Variants in NUDT9 observed in about 807,000 individuals in gnomAD.
NUDT9 encodes the protein nudix hydrolase 9, also known as ADP-ribose pyrophosphatase.
Under a neutral mutation model 41.0 loss-of-function variants are expected in NUDT9, and 31 were observed. The ratio of observed to expected loss-of-function variants is 0.76; its 90% CI spans 0.57 to 1.02. The LOEUF (loss-of-function observed/expected upper bound fraction) is 1.02, where lower values mean the gene tolerates loss of function less well. Ranked by LOEUF, NUDT9 falls within the 50% of genes least tolerant of loss-of-function variation. The pLI is 0.00. For missense variants in NUDT9, 380 were observed against 431.4 expected (o/e 0.88, Z 1.06); for synonymous variants, 146 against 147.6 (o/e 0.99, Z 0.08).
chr4:87,424,291 G>T lies in NUDT9; in HGVS notation c.107+1279G>T, dbSNP rs369270052. Reference sequence around the variant, plus strand: ...TTTTTTTTTTTTGAGAAGGAGTTTCGCTCTGTCGCCCAGGCTGGAGCGCAG... The same window carrying T: ...TTTTTTTTTTTTGAGAAGGAGTTTCTCTCTGTCGCCCAGGCTGGAGCGCAG... On this transcript the variant is annotated intron_variant, in intron 1 of 7. Transcript: ENST00000302174. Among the ~76,000 whole-genome samples the T allele has an allele frequency of 1.5e-3, 179 of 121,668 alleles. 1 individual carries two copies. The highest frequency in any genetic ancestry group is 5.3e-3 in the African/African-American group (166 of 31,140). 79.8% of individuals were successfully genotyped at this position (121,668 alleles called of 152,430 possible). A position where few individuals can be genotyped will look rare whatever the true frequency, so the allele number is the denominator to read the frequency against.
intron 2 of NUDT9, among the ~76,000 whole-genome samples, chr4:87,436,252 A>C (rs982298771): frequency 2.6e-5 from 4 of 152,198 alleles, no homozygotes; most frequent in African/African-American, 9.7e-5. Flanking sequence ...CACACTGTGC[A>C]TTAGATCTCT....
In NUDT9 at chr4:87,459,372, C is replaced by G. The variant is rs546600302; in HGVS notation, c.*1351C>G. The stretch of plus-strand genomic sequence containing the variant: ...GATGAAATTATCTGTACAACAAACC[C>G]TCATGACACAAGTTTACCTATGTAA... On this transcript the variant is annotated 3_prime_UTR_variant, in exon 8 of 8. Transcript: ENST00000302174. The G allele has an allele frequency of 2.0e-5, 3 of 152,152 alleles. No individual in the cohort carries two copies. The highest frequency in any genetic ancestry group is 4.4e-5 in the Non-Finnish European group (3 of 68,026). The allele number at this position is 152,152 out of a possible 1,614,324, so 9.4% of individuals were successfully genotyped here.
At chr4:87,446,512 C>T (rs572478164) in intron 4 of NUDT9, among the ~76,000 whole-genome samples, 5 of 152,224 alleles carry the variant, frequency 3.3e-5, no homozygotes, top group South Asian at 2.1e-4. Context: ...GGATTACAGG[C>T]GTGGGCCACT....
At chr4:87,445,080 C>T (rs1722386145) in intron 4 of NUDT9, among the ~76,000 whole-genome samples, 1 of 152,080 alleles carries the variant, frequency 6.6e-6, no homozygotes, top group South Asian at 2.1e-4. Flanking sequence ...CTAGTCTATT[C>T]CAGGCATCCT....
chr4:87,427,757 C>T (rs1266943866), intron 1 of NUDT9, among the ~76,000 whole-genome samples: 4 of 152,030 alleles, frequency 2.6e-5, no homozygotes, highest in Non-Finnish European at 5.9e-5. Flanking sequence ...TAATTAATGG[C>T]CTTAACTTTT....
intron 5 of NUDT9, among the ~76,000 whole-genome samples, chr4:87,450,624 AC>A (rs1171238111): frequency 6.6e-6 from 1 of 151,320 alleles, no homozygotes; most frequent in African/African-American, 2.4e-5. Context: ...TGATCCACCC[AC>A]CCTGACCTCC....
intron 6 of NUDT9, among the ~76,000 whole-genome samples, chr4:87,454,005 A>G (rs1207403307): frequency 1.3e-5 from 2 of 151,390 alleles, no homozygotes; most frequent in Non-Finnish European, 2.9e-5. Context: ...GACTACAGGC[A>G]CCTACCACCA....
intron 1 of NUDT9, 127 bp downstream of exon 1, chr4:87,423,139 G>C (rs1453839701): frequency 5.3e-6 from 3 of 568,472 alleles, no homozygotes; most frequent in Non-Finnish European, 5.9e-6. Context: ...TCATATACAA[G>C]TTTTCAAAAA....
intron 3 of NUDT9, among the ~76,000 whole-genome samples, chr4:87,439,629 C>G (rs1459094252): frequency 1.3e-5 from 2 of 152,120 alleles, no homozygotes; most frequent in Non-Finnish European, 2.9e-5. Flanking sequence ...GCACTCCAGC[C>G]TGGGCAACAG....
chr4:87,443,580 C>T (rs1722311807), intron 4 of NUDT9, among the ~76,000 whole-genome samples: 2 of 152,066 alleles, frequency 1.3e-5, no homozygotes, highest in South Asian at 4.1e-4. Flanking sequence ...TAAATGTGAT[C>T]AAATAATATG....
At position 87,453,845 on chromosome 4, in the gene NUDT9, TTTTC is replaced by T. The variant is rs547253601; in HGVS notation, c.790-510_790-507del. Among the ~76,000 whole-genome samples the T allele has an allele frequency of 2.1e-4, 32 of 151,480 alleles. No homozygotes were observed. The South Asian group carries it at 2.5e-3, about 12-fold the overall frequency. ...TTATGATATTTACATTTCTTTCTTT[TTTTC>T]TTTCTTTCTTTCTTTTTTTTTTTTT... On this transcript the variant is annotated intron_variant, in intron 6 of 7. Transcript: ENST00000302174.
chr4:87,435,720 G>A (rs1232584911), intron 2 of NUDT9, among the ~76,000 whole-genome samples: 2 of 152,292 alleles, frequency 1.3e-5, no homozygotes, highest in Admixed American at 1.3e-4. Context: ...GAGAATGAGA[G>A]AGAAGGGGCT....
At chr4:87,456,440 CAG>C (rs1722994344) in intron 7 of NUDT9, among the ~76,000 whole-genome samples, 1 of 152,108 alleles carries the variant, frequency 6.6e-6, no homozygotes, top group South Asian at 2.1e-4. Context: ...TCCTTGAGGG[CAG>C]AGTGATCTGG....
Position 87,454,419 on chromosome 4 carries a change from A to T in NUDT9, c.838A>T (p.Met280Leu). 1 of 1,611,654 alleles carries T rather than the reference A, an allele frequency of 6.2e-7. No individual in the cohort carries two copies. Among genetic ancestry groups the T allele is most frequent in the Non-Finnish European group, 8.5e-7 (1 of 1,177,784 alleles). Reference protein sequence around the residue: ...DDPRNTDNAWMETEAVNYHDE... With the variant: ...DDPRNTDNAWLETEAVNYHDE... ...TCCTCGAAACACTGATAATGCATGG[A>T]TGGAGACAGAAGCTGTGAACTACCA... Residue 280 changes from methionine to leucine, a missense_variant, in exon 7 of 8, where the codon ATG becomes TTG. Coordinates refer to ENST00000302174, the MANE Select transcript of NUDT9 (RefSeq NM_024047.5).
At chr4:87,423,556 T>G (rs948061925) in intron 1 of NUDT9, among the ~76,000 whole-genome samples, 14 of 152,296 alleles carry the variant, frequency 9.2e-5, no homozygotes, top group African/African-American at 3.4e-4. Context: ...ATTCTTTGAG[T>G]TAGTAAACAC....
At chr4:87,438,767 G>A (rs543268332) in intron 3 of NUDT9, among the ~76,000 whole-genome samples, 27 of 152,048 alleles carry the variant, frequency 1.8e-4, no homozygotes, top group African/African-American at 5.8e-4. Context: ...CCAATAATTC[G>A]GGTCTTTCTA....
At chr4:87,444,560 A>C (rs946051745) in intron 4 of NUDT9, among the ~76,000 whole-genome samples, 1 of 152,218 alleles carries the variant, frequency 6.6e-6, no homozygotes, top group Non-Finnish European at 1.5e-5. Context: ...TATTAATGGC[A>C]GTGTTAGTTT....
chr4:87,439,803 T>C (rs1722121948), intron 3 of NUDT9, among the ~76,000 whole-genome samples: 1 of 152,130 alleles, frequency 6.6e-6, no homozygotes, highest in African/African-American at 2.4e-5. Flanking sequence ...TGAGGTGAGA[T>C]TTGGGTGGAG....
intron 3 of NUDT9, among the ~76,000 whole-genome samples, chr4:87,439,674 AAAAC>A (rs1722111391): frequency 1.3e-5 from 2 of 152,042 alleles, no homozygotes; most frequent in African/African-American, 4.8e-5. Context: ...AAACAACAAA[AAAAC>A]CATCAGCTCT....
Sources: allele counts gnomAD v4.1 joint callset (sites outside exome capture counted in the v4.1 genomes callset), GRCh38; gene constraint gnomAD v4.1.1; transcripts MANE v1.5; gene names NCBI Gene and HGNC (gene_info 2026-07-23, HGNC 2026-07-21).